CDK19: variants seen among roughly 807,000 people sequenced by gnomAD.
CDK19 encodes the protein cyclin dependent kinase 19.
In CDK19, 20 loss-of-function variants were observed where a neutral mutation model predicts 68.3. The ratio of observed to expected loss-of-function variants is 0.29; its 90% confidence interval spans 0.21 to 0.43. The LOEUF (loss-of-function observed/expected upper bound fraction) is 0.43. CDK19 is among the 20% of genes least tolerant of loss of function. CDK19 has a pLI of 1.00. For synonymous variants in CDK19, 221 were observed against 222.8 expected (o/e 0.99, Z 0.07); for missense variants, 339 against 623.5 (o/e 0.54, Z 4.86).
chr6:110,638,857 T>C (rs1337624757), intron 4 of CDK19, 151 bp from the exon 5 acceptor site: 3 of 536,072 alleles, frequency 5.6e-6, no homozygotes, highest in Non-Finnish European at 6.6e-6. Flanking sequence ...GTTAAAGCAT[T>C]TGACATAATT....
chr6:110,685,071 G>A (rs1772350293), intron 2 of CDK19, among the ~76,000 whole-genome samples: 2 of 152,174 alleles, frequency 1.3e-5, no homozygotes, highest in Non-Finnish European at 2.9e-5. Context: ...CTAGGAGGCA[G>A]AGGTTGCAGT....
At chr6:110,720,487 G>A (rs1042796078) in intron 2 of CDK19, among the ~76,000 whole-genome samples, 7 of 152,138 alleles carry the variant, frequency 4.6e-5, no homozygotes, top group Admixed American at 6.5e-5. Flanking sequence ...TTTCCAAAAT[G>A]TGTTCACAAA....
chr6:110,662,623 T>C (rs1192074507), intron 4 of CDK19, among the ~76,000 whole-genome samples: 3 of 152,216 alleles, frequency 2.0e-5, no homozygotes, highest in African/African-American at 7.2e-5. Flanking sequence ...GATATGAACC[T>C]TGCTCTCAAG....
chr6:110,786,815 G>T (rs1294588321), intron 1 of CDK19, among the ~76,000 whole-genome samples: 2 of 152,052 alleles, frequency 1.3e-5, no homozygotes, highest in Non-Finnish European at 2.9e-5. Context: ...AACCAATCAA[G>T]ATAAAGGGTT....
intron 1 of CDK19, among the ~76,000 whole-genome samples, chr6:110,810,773 CA>C (rs931409889): frequency 1.0e-3 from 127 of 122,258 alleles, no homozygotes; most frequent in Admixed American, 9.4e-4. Flanking sequence ...AACTCCATCT[CA>C]AAAAAAAAAA....
At chr6:110,755,863 G>T (rs1778799761) in intron 1 of CDK19, among the ~76,000 whole-genome samples, 1 of 152,162 alleles carries the variant, frequency 6.6e-6, no homozygotes, top group Non-Finnish European at 1.5e-5. Context: ...GAGGCAGGGG[G>T]ATCAATGTAG....
chr6:110,645,911 G>T (rs1359820730), intron 4 of CDK19: 3 of 873,260 alleles, frequency 3.4e-6, no homozygotes, highest in African/African-American at 3.3e-5. Context: ...TGCGAACTGT[G>T]CCGGGACAGC....
intron 1 of CDK19, among the ~76,000 whole-genome samples, chr6:110,799,572 CATT>C (rs1782203585): frequency 6.6e-6 from 1 of 151,856 alleles, no homozygotes; most frequent in African/African-American, 2.4e-5. Flanking sequence ...GGTTTATTTG[CATT>C]ATTTTTTATT....
intron 4 of CDK19, among the ~76,000 whole-genome samples, chr6:110,647,534 A>G (rs1458551557): frequency 1.3e-5 from 2 of 152,202 alleles, no homozygotes; most frequent in African/African-American, 2.4e-5. Context: ...AAATCCCATG[A>G]ATAACTTCAT....
At chr6:110,661,807 T>G (rs1360267209) in intron 4 of CDK19, among the ~76,000 whole-genome samples, 2 of 152,152 alleles carry the variant, frequency 1.3e-5, no homozygotes, top group Non-Finnish European at 1.5e-5. Context: ...ACAAAATTAT[T>G]TTCTCTCTCA....
At chr6:110,780,827 C>T (rs1449017945) in intron 1 of CDK19, among the ~76,000 whole-genome samples, 2 of 151,788 alleles carry the variant, frequency 1.3e-5, no homozygotes, top group African/African-American at 4.8e-5. Flanking sequence ...TTCCCATCTT[C>T]CAGAGATGAG....
intron 2 of CDK19, among the ~76,000 whole-genome samples, chr6:110,678,922 C>T (rs935324780): frequency 2.0e-5 from 3 of 152,174 alleles, no homozygotes; most frequent in African/African-American, 4.8e-5. Flanking sequence ...CCTCAATTTG[C>T]ATATCCATTT....
Position 110,739,718 on chromosome 6 carries a change from A to C in CDK19, c.204+6408T>G, listed in dbSNP as rs56137997. ...CAATCGTAACTCACTGTAACCTCTA[A>C]CTCCTGGACTCAAGCAATCCTCCCA... On this transcript the variant is annotated intron_variant, in intron 2 of 12. Coordinates refer to ENST00000368911, the MANE Select transcript of CDK19 (RefSeq NM_015076.5). Among the ~76,000 whole-genome samples, 453 of 151,270 alleles carry C rather than the reference A, an allele frequency of 3.0e-3. 3 individuals carry two copies. The highest frequency in any genetic ancestry group is 0.019 in the South Asian group (92 of 4,782).
Position 110,814,995 on chromosome 6 carries a change from G to A in CDK19, c.128+14C>T, listed in dbSNP as rs779738761. On this transcript the variant is annotated intron_variant, in intron 1 of 12. Transcript: ENST00000368911. ...GGACCCGAGCGAGCCTACTCCTCCCGCCCCTGCTCTTACCCATCTTTCCGC... is the reference window on the plus strand; with the variant it reads ...GGACCCGAGCGAGCCTACTCCTCCCACCCCTGCTCTTACCCATCTTTCCGC... 4.4e-6 allele frequency: 7 copies of A among 1,601,764 alleles called. No homozygotes were observed. The East Asian group carries it at 7.0e-5, about 16-fold the overall frequency.
chr6:110,715,029 T>C (rs915952016), intron 2 of CDK19, among the ~76,000 whole-genome samples: 2 of 151,992 alleles, frequency 1.3e-5, no homozygotes, highest in Admixed American at 1.3e-4. Context: ...CCACCATGCC[T>C]GGCCGAAAAA....
At chr6:110,721,143 G>A (rs924434603) in intron 2 of CDK19, among the ~76,000 whole-genome samples, 1 of 152,120 alleles carries the variant, frequency 6.6e-6, no homozygotes, top group South Asian at 2.1e-4. Context: ...AGGAGGCTGA[G>A]GCAGGAGAAT....
At chr6:110,697,059 A>C (rs1773540638) in intron 2 of CDK19, among the ~76,000 whole-genome samples, 1 of 139,024 alleles carries the variant, frequency 7.2e-6, no homozygotes, top group Admixed American at 7.4e-5. Flanking sequence ...ACTCCATCTC[A>C]AAAAAAAAAA....
chr6:110,725,854 C>T (rs987156029), intron 2 of CDK19, among the ~76,000 whole-genome samples: 1 of 152,136 alleles, frequency 6.6e-6, no homozygotes, highest in African/African-American at 2.4e-5. Context: ...AGGAAACACA[C>T]TTTATTTACA....
intron 4 of CDK19, among the ~76,000 whole-genome samples, chr6:110,651,236 T>G (rs1780944531): frequency 7.1e-6 from 1 of 139,940 alleles, no homozygotes; most frequent in African/African-American, 3.2e-5. Context: ...AGATCTACTA[T>G]CTATCTATCT....
Sources: allele counts gnomAD v4.1 joint callset (sites outside exome capture counted in the v4.1 genomes callset), GRCh38; gene constraint gnomAD v4.1.1; transcripts MANE v1.5; gene names NCBI Gene and HGNC (gene_info 2026-07-23, HGNC 2026-07-21).